The following YTHDF2 variants were observed in gnomAD, a reference collection of about 807,000 sequenced individuals.
YTHDF2 encodes YTH N6-methyladenosine RNA binding protein F2.
In YTHDF2, 2 loss-of-function variants were observed where a neutral mutation model predicts 50.4. The ratio of observed to expected loss-of-function variants is 0.04; its 90% CI spans 0.02 to 0.12. The LOEUF is 0.12. YTHDF2 is among the 10% of genes least tolerant of loss of function. The pLI, the probability that YTHDF2 is intolerant of heterozygous loss-of-function variation, is 1.00. For synonymous variants in YTHDF2, 217 were observed against 255.6 expected (o/e 0.85, Z 1.44); for missense variants, 483 against 722.6 (o/e 0.67, Z 3.80).
intron 4 of YTHDF2, among the ~76,000 whole-genome samples, chr1:28,749,179 C>CTTTTTTTTTTTTTTTTTTTTTTTT (rs60729215): frequency 9.3e-6 from 1 of 107,426 alleles, no homozygotes; most frequent in Non-Finnish European, 1.8e-5. Context: ...TTCTTTCTTC[C>CTTTTTTTTTTTTTTTTTTTTTTTT]TTTTTTTTTT....
chr1:28,737,300 G>A, intron 1 of YTHDF2, 153 bp downstream of exon 1: 1 of 1,001,776 alleles, frequency 1.0e-6, no homozygotes, highest in South Asian at 1.8e-5. Context: ...CGCGCCCGGC[G>A]CCTCTCCCTC....
In YTHDF2 at chr1:28,769,636, T is replaced by C. The variant is rs975134788; in HGVS notation, c.*684T>C. ...AGTGGTAAAAACTCGTTTACAGAAA[T>C]GCATTTTGGAAGAGAAAAATACTGT... On this transcript the variant is annotated 3_prime_UTR_variant, in exon 5 of 5. Coordinates refer to ENST00000373812, the MANE Select transcript of YTHDF2 (RefSeq NM_016258.3). 3 of 152,766 alleles carry C rather than the reference T, an allele frequency of 2.0e-5. No individual in the cohort carries two copies. Among genetic ancestry groups the C allele is most frequent in the Non-Finnish European group, 2.9e-5 (2 of 68,024 alleles). 9.5% of individuals were successfully genotyped at this position (152,766 alleles called of 1,614,324 possible).
chr1:28,767,410 G>T (rs1036607523), intron 4 of YTHDF2, among the ~76,000 whole-genome samples: 6 of 152,162 alleles, frequency 3.9e-5, no homozygotes, highest in Non-Finnish European at 8.8e-5. Context: ...TTCTAATTCA[G>T]TGTTACAATT....
intron 4 of YTHDF2, among the ~76,000 whole-genome samples, chr1:28,753,677 G>A (rs1570472596): frequency 6.6e-6 from 1 of 151,090 alleles, no homozygotes; most frequent in African/African-American, 2.4e-5. Flanking sequence ...GGTTGGGCAA[G>A]TATATGAAGA....
chr1:28,760,318 G>A (rs925432807), intron 4 of YTHDF2, among the ~76,000 whole-genome samples: 37 of 135,202 alleles, frequency 2.7e-4, no homozygotes, highest in Middle Eastern at 7.8e-3. Flanking sequence ...TGTGTGTGAC[G>A]GAGTCTTGCT....
At chr1:28,745,607 C>T (rs2087845203) in intron 4 of YTHDF2, among the ~76,000 whole-genome samples, 1 of 151,962 alleles carries the variant, frequency 6.6e-6, no homozygotes, top group Admixed American at 6.6e-5. Context: ...TGCCTGTAAT[C>T]TCAGCTACTT....
chr1:28,756,453 C>T (rs1216078680), intron 4 of YTHDF2, among the ~76,000 whole-genome samples: 1 of 152,148 alleles, frequency 6.6e-6, no homozygotes, highest in African/African-American at 2.4e-5. Flanking sequence ...CAGTTTTTAG[C>T]ATTGGAATTC....
At chr1:28,753,928 A>G (rs187589962) in intron 4 of YTHDF2, among the ~76,000 whole-genome samples, 62 of 152,102 alleles carry the variant, frequency 4.1e-4, no homozygotes, top group African/African-American at 1.4e-3. Context: ...GCTGGTCTCA[A>G]ACTCCTGACC....
At chr1:28,737,369 TTCCCTTCTC>T (rs1302526840) in intron 1 of YTHDF2, 14 of 634,474 alleles carry the variant, frequency 2.2e-5, no homozygotes, top group Non-Finnish European at 3.3e-5. Flanking sequence ...CCGCGCCGCG[TTCCCTTCTC>T]TCGGCGGGCC....
intron 4 of YTHDF2, among the ~76,000 whole-genome samples, chr1:28,759,880 C>T (rs1340757654): frequency 2.0e-5 from 3 of 152,144 alleles, no homozygotes; most frequent in South Asian, 2.1e-4. Context: ...TGCTTGAACC[C>T]GGGAGGCGGA....
intron 4 of YTHDF2, among the ~76,000 whole-genome samples, chr1:28,758,289 C>T (rs2088064483): frequency 6.6e-6 from 1 of 151,926 alleles, no homozygotes. Context: ...TCCCCTGAGC[C>T]CAGGAAGTTG....
rs947930877 is a variant in YTHDF2, at chr1:28,738,475, C to G, written c.132+137C>G. The G allele has an allele frequency of 5.4e-5, 43 of 796,916 alleles. No homozygotes were observed. In the South Asian group the frequency reaches 6.0e-4, roughly 11 times the overall value. The allele number at this position is 796,916 out of a possible 1,614,324, so 49.4% of individuals were successfully genotyped here. Reference sequence around the variant, plus strand: ...TTTCTGTTTTTTTGAGACTGAGTCTCGCTCTGACGCCCAGGCTGGGGTGTA... The same window carrying G: ...TTTCTGTTTTTTTGAGACTGAGTCTGGCTCTGACGCCCAGGCTGGGGTGTA... On this transcript the variant is annotated intron_variant, in intron 3 of 4. Coordinates refer to ENST00000373812, the MANE Select transcript of YTHDF2 (RefSeq NM_016258.3).
upstream of YTHDF2, chr1:28,736,849 C>G: frequency 2.6e-6 from 1 of 390,556 alleles, no homozygotes; most frequent in Non-Finnish European, 4.6e-6. Flanking sequence ...CCGCGCGCGC[C>G]GCCCGCCTCC....
intron 4 of YTHDF2, among the ~76,000 whole-genome samples, chr1:28,744,621 A>C (rs1327256503): frequency 6.6e-6 from 1 of 152,214 alleles, no homozygotes; most frequent in Non-Finnish European, 1.5e-5. Context: ...CTTTAGGATT[A>C]TAAGAGGATG....
intron 4 of YTHDF2, among the ~76,000 whole-genome samples, chr1:28,756,481 A>G (rs1422216170): frequency 1.3e-5 from 2 of 152,196 alleles, no homozygotes; most frequent in Non-Finnish European, 1.5e-5. Flanking sequence ...CCCTGCAAAC[A>G]AAACTTTTCT....
chr1:28,743,559 A>G lies in YTHDF2; in HGVS notation c.1289A>G (p.Asn430Ser), dbSNP rs1376003974. The change falls in exon 4 of 5, where the codon AAT (asparagine) becomes AGT (serine). Residue 430 changes from asparagine to serine, a missense_variant. Asn to Ser is a conservative substitution (Grantham distance 46). Coordinates refer to ENST00000373812, the MANE Select transcript of YTHDF2 (RefSeq NM_016258.3). This position sits in a 1 kb window ranked among gnomAD's most constrained non-coding sequence, Gnocchi z 6.9. ...GATATTCACCGTTCCATTAAGTATA[A>G]TATTTGGTGCAGCACAGAGCATGGT... The part of the protein sequence containing the change: ...EDDIHRSIKY[N>S]IWCSTEHGNK... 1.9e-6 allele frequency: 3 copies of G among 1,614,176 alleles called. No individual in the cohort carries two copies. The highest frequency in any genetic ancestry group is 2.2e-5 in the South Asian group (2 of 91,082).
intron 4 of YTHDF2, among the ~76,000 whole-genome samples, chr1:28,757,123 A>G (rs1024919226): frequency 2.0e-5 from 3 of 152,230 alleles, no homozygotes; most frequent in Admixed American, 6.5e-5. Context: ...GGAATAAACA[A>G]ATAGTCCCTC....
intron 4 of YTHDF2, among the ~76,000 whole-genome samples, chr1:28,747,853 C>T (rs1055556934): frequency 6.6e-6 from 1 of 150,834 alleles, no homozygotes; most frequent in South Asian, 2.1e-4. Context: ...TGGCCGGGCG[C>T]GGTGGCTCAC....
chr1:28,754,149 C>G (rs550295697), intron 4 of YTHDF2, among the ~76,000 whole-genome samples: 1 of 152,328 alleles, frequency 6.6e-6, no homozygotes, highest in South Asian at 2.1e-4. Context: ...CTTTCATAGC[C>G]TTACTTTAAT....
Sources: gnomAD v4.1 joint callset for allele counts (sites outside exome capture counted in the v4.1 genomes callset) on GRCh38, gnomAD v4.1.1 for gene constraint, Gnocchi (gnomAD v3.1) non-coding constraint, MANE v1.5 for transcripts, NCBI Gene and HGNC (gene_info 2026-07-23, HGNC 2026-07-21) for gene names.